PPM1B: variants seen among roughly 807,000 people sequenced by gnomAD.
The protein encoded by PPM1B is protein phosphatase, Mg2+/Mn2+ dependent 1B, also known as protein phosphatase 1B.
A neutral mutation model predicts 43.0 loss-of-function variants in PPM1B; 22 were observed. That is an observed-to-expected ratio of 0.51 (90% CI 0.37 to 0.73). PPM1B has a LOEUF of 0.73. Ranked by LOEUF, PPM1B falls within the 30% of genes least tolerant of loss-of-function variation. The pLI is 0.00. For synonymous variants in PPM1B, 217 were observed against 197.9 expected (o/e 1.10, Z -0.81); for missense variants, 632 against 584.2 (o/e 1.08, Z -0.84).
chr2:44,189,006 C>G (rs1380800691), intron 1 of PPM1B, among the ~76,000 whole-genome samples: 1 of 151,960 alleles, frequency 6.6e-6, no homozygotes, highest in African/African-American at 2.4e-5. Context: ...GTAGCTGGGA[C>G]TACAGGCATG....
At chr2:44,213,878 G>T (rs1047235102) in intron 3 of PPM1B, 23 of 152,098 alleles carry the variant, frequency 1.5e-4, no homozygotes, top group African/African-American at 5.1e-4. Context: ...TGGGGTTGCA[G>T]ATTGCTGACT....
At chr2:44,183,989 C>T (rs902659267) in intron 1 of PPM1B, among the ~76,000 whole-genome samples, 24 of 152,190 alleles carry the variant, frequency 1.6e-4, no homozygotes, top group African/African-American at 5.8e-4. Flanking sequence ...CCGCCCGCCT[C>T]GGCCTCCCAA....
In PPM1B at chr2:44,230,398, G is replaced by A. The variant is rs750417217; in HGVS notation, c.1135-15G>A. 1.2e-6 allele frequency: 2 copies of A among 1,611,748 alleles called. No individual in the cohort carries two copies. The highest frequency in any genetic ancestry group is 2.2e-5 in the East Asian group (1 of 44,862). ...GTTTGTCTACTGACACTGGGGTCTT[G>A]AATCTTAAAAAAAGGCCTCCGATGA... On this transcript the variant is annotated splice_polypyrimidine_tract_variant and intron_variant, in intron 5 of 5. Transcript: ENST00000282412.
intron 1 of PPM1B, among the ~76,000 whole-genome samples, chr2:44,183,422 A>C (rs946571653): frequency 1.3e-5 from 2 of 152,234 alleles, no homozygotes; most frequent in African/African-American, 4.8e-5. Flanking sequence ...TAAGTAAGAC[A>C]GAATAATAGG....
intron 1 of PPM1B, among the ~76,000 whole-genome samples, chr2:44,186,634 C>A: frequency 6.6e-6 from 1 of 152,362 alleles, no homozygotes; most frequent in African/African-American, 2.4e-5. Context: ...CTGAGCCTCC[C>A]AAACTGCTGG....
chr2:44,226,946 T>G (rs1263377062), intron 5 of PPM1B, among the ~76,000 whole-genome samples: 2 of 137,822 alleles, frequency 1.5e-5, no homozygotes, highest in Non-Finnish European at 3.2e-5. Flanking sequence ...ATTTATTTAT[T>G]TATTTATTTA....
intron 2 of PPM1B, among the ~76,000 whole-genome samples, chr2:44,202,984 A>G (rs934633176): frequency 2.6e-5 from 4 of 152,174 alleles, no homozygotes; most frequent in African/African-American, 9.7e-5. Context: ...GTTACATGAA[A>G]TAAATAAAGG....
chr2:44,225,754 T>C (rs1049492242), intron 5 of PPM1B, among the ~76,000 whole-genome samples: 5 of 152,274 alleles, frequency 3.3e-5, no homozygotes, highest in African/African-American at 1.2e-4. Context: ...CCTTCCAGGT[T>C]CAAGCGATTC....
At chr2:44,197,739 T>C (rs1391792179) in intron 1 of PPM1B, among the ~76,000 whole-genome samples, 4 of 152,194 alleles carry the variant, frequency 2.6e-5, no homozygotes, top group African/African-American at 7.2e-5. Context: ...TTAGTTGTGT[T>C]GTCTGGATAC....
chr2:44,230,676 T>TA lies in PPM1B; in HGVS notation c.1400dup (p.Asn467LysfsTer2). The TA allele has an allele frequency of 6.2e-7, 1 of 1,613,628 alleles. No homozygotes were observed. Among genetic ancestry groups the TA allele is most frequent in the Non-Finnish European group, 8.5e-7 (1 of 1,179,556 alleles). On this transcript the variant is annotated frameshift_variant, in exon 6 of 6. Coordinates refer to ENST00000282412, the MANE Select transcript of PPM1B (RefSeq NM_002706.6). LOFTEE classifies it high-confidence loss of function. ...GTGGTCTTGCTGAATTAGACAGCTCTAATGAAGATGCAGGGACAAAGATGA... is the reference window on the plus strand; with the variant it reads ...GTGGTCTTGCTGAATTAGACAGCTCTAAATGAAGATGCAGGGACAAAGATGA...
chr2:44,194,010 C>A (rs1668534557), intron 1 of PPM1B, among the ~76,000 whole-genome samples: 1 of 152,142 alleles, frequency 6.6e-6, no homozygotes, highest in Non-Finnish European at 1.5e-5. Flanking sequence ...TACTGCATCA[C>A]CCAGCCTGGT....
intron 1 of PPM1B, among the ~76,000 whole-genome samples, chr2:44,178,294 C>T (rs1667682607): frequency 6.6e-6 from 1 of 151,696 alleles, no homozygotes; most frequent in African/African-American, 2.4e-5. Flanking sequence ...GGTCTAAAAC[C>T]ATTTACATGC....
rs539941784 is a variant in PPM1B, at chr2:44,201,144, C to T, written c.-14-42C>T. The T allele has an allele frequency of 1.2e-4, 181 of 1,499,118 alleles. No individual in the cohort carries two copies. The East Asian group carries it at 4.0e-3, about 33-fold the overall frequency. The allele number at this position is 1,499,118 out of a possible 1,614,324, so 92.9% of individuals were successfully genotyped here. A position where few individuals can be genotyped will look rare whatever the true frequency, so the allele number is the denominator to read the frequency against. On this transcript the variant is annotated intron_variant, in intron 1 of 5. Coordinates refer to ENST00000282412, the MANE Select transcript of PPM1B (RefSeq NM_002706.6). This position sits in a 1 kb window ranked among gnomAD's most constrained non-coding sequence, Gnocchi z 5.4. ...AGAGGGAATATTGTACATACATTTT[C>T]TGTCAAATTTAAACATTTAACACCT... is the stretch of plus-strand genomic sequence containing the variant.
chr2:44,233,672 A>G (rs182238518), downstream of PPM1B: 2 of 985,838 alleles, frequency 2.0e-6, no homozygotes, highest in Non-Finnish European at 2.4e-6. Context: ...AATGGAATTC[A>G]TGGTATTTTC....
intron 1 of PPM1B, among the ~76,000 whole-genome samples, chr2:44,181,141 C>T (rs1380565239): frequency 6.6e-6 from 1 of 152,140 alleles, no homozygotes; most frequent in African/African-American, 2.4e-5. Flanking sequence ...GACAGAGTCT[C>T]AGTATGTTGC....
chr2:44,175,910 C>G (rs776584937), intron 1 of PPM1B, among the ~76,000 whole-genome samples: 1 of 151,890 alleles, frequency 6.6e-6, no homozygotes, highest in African/African-American at 2.4e-5. Flanking sequence ...CTCAGTCTCC[C>G]GAGTAGCTGG....
intron 2 of PPM1B, among the ~76,000 whole-genome samples, chr2:44,204,703 G>A (rs1669085539): frequency 6.6e-6 from 1 of 151,524 alleles, no homozygotes; most frequent in Admixed American, 6.6e-5. Context: ...TTAAAAAATA[G>A]AAAAAATCGG....
intron 2 of PPM1B, among the ~76,000 whole-genome samples, chr2:44,205,332 A>AGTGGGT (rs11277275): frequency 1.4e-5 from 2 of 141,392 alleles, no homozygotes; most frequent in Admixed American, 7.0e-5. Context: ...AATAAAGAAG[A>AGTGGGT]GTGGGTGTGG....
At chr2:44,209,368 C>CG in intron 3 of PPM1B, 41 bp downstream of exon 3, 1 of 1,605,080 alleles carries the variant, frequency 6.2e-7, no homozygotes, top group Non-Finnish European at 8.5e-7. Context: ...AGGCCAGGCA[C>CG]GGTAGCTCAT....
Sources: allele counts gnomAD v4.1 joint callset (sites outside exome capture counted in the v4.1 genomes callset), GRCh38; gene constraint gnomAD v4.1.1; non-coding constraint Gnocchi (gnomAD v3.1); transcripts MANE v1.5; gene names NCBI Gene and HGNC (gene_info 2026-07-23, HGNC 2026-07-21).